Variants in LRP1B observed in about 807,000 individuals in gnomAD.
The protein encoded by LRP1B is LDL receptor related protein 1B.
In LRP1B, 217 loss-of-function variants were observed where a neutral mutation model predicts 556.6. That is an observed-to-expected ratio of 0.39 (90% CI 0.35 to 0.44). The LOEUF is 0.44. LRP1B is among the 20% of genes least tolerant of loss of function. LRP1B has a pLI of 1.00. For missense variants in LRP1B, 5,053 were observed against 5,620.8 expected, an observed-to-expected ratio of 0.90 and a Z score of 3.23; for synonymous variants, 2,047 against 1,865.8, an observed-to-expected ratio of 1.10 and a Z score of -2.50.
intron 3 of LRP1B, among the ~76,000 whole-genome samples, chr2:141,344,634 T>G (rs1215455284): frequency 6.6e-6 from 1 of 152,238 alleles, no homozygotes; most frequent in Non-Finnish European, 1.5e-5. Context: ...GTTATGTATT[T>G]AACTTTTTAT....
chr2:141,992,276 T>C (rs996895000), intron 1 of LRP1B, among the ~76,000 whole-genome samples: 1 of 152,096 alleles, frequency 6.6e-6, no homozygotes, highest in African/African-American at 2.4e-5. Flanking sequence ...CCTCTCATAA[T>C]GGATGATTTT....
intron 31 of LRP1B, among the ~76,000 whole-genome samples, chr2:140,825,403 G>C (rs982414469): frequency 6.6e-6 from 1 of 151,972 alleles, no homozygotes; most frequent in Non-Finnish European, 1.5e-5. Flanking sequence ...TTGTCTCCCA[G>C]TAACTGGCAC....
intron 1 of LRP1B, among the ~76,000 whole-genome samples, chr2:141,984,283 G>A (rs1702123851): frequency 6.6e-6 from 1 of 151,744 alleles, no homozygotes. Context: ...AGCATTACTA[G>A]GAGTTATACA....
At chr2:141,696,658 T>C (rs1437252836) in intron 2 of LRP1B, among the ~76,000 whole-genome samples, 6 of 151,964 alleles carry the variant, frequency 3.9e-5, no homozygotes, top group Non-Finnish European at 8.8e-5. Flanking sequence ...AATTAAGATA[T>C]AATACATCAA....
intron 66 of LRP1B, among the ~76,000 whole-genome samples, chr2:140,409,505 T>G (rs878878981): frequency 6.6e-6 from 1 of 152,074 alleles, no homozygotes; most frequent in Admixed American, 6.6e-5. Flanking sequence ...TTCATTGTAG[T>G]TGATACAGAG....
chr2:141,798,666 C>G (rs932384448), intron 2 of LRP1B, among the ~76,000 whole-genome samples: 8 of 132,404 alleles, frequency 6.0e-5, no homozygotes, highest in African/African-American at 2.3e-4. Context: ...GAGATGGTGC[C>G]ACTGCACTCC....
chr2:141,867,495 CTT>C (rs1472603517), intron 1 of LRP1B, among the ~76,000 whole-genome samples: 7 of 152,026 alleles, frequency 4.6e-5, no homozygotes, highest in African/African-American at 1.7e-4. Flanking sequence ...CAGAAGCACT[CTT>C]TGAGATCTTA....
chr2:141,936,446 A>T (rs1181340598), intron 1 of LRP1B, among the ~76,000 whole-genome samples: 1 of 152,236 alleles, frequency 6.6e-6, no homozygotes, highest in Non-Finnish European at 1.5e-5. Flanking sequence ...TATAAACTAT[A>T]ATAATGCTAA....
intron 40 of LRP1B, 128 bp downstream of exon 40, chr2:140,701,593 T>C: frequency 1.1e-6 from 1 of 872,930 alleles, no homozygotes; most frequent in East Asian, 2.7e-5. Flanking sequence ...TTGCAGGAAA[T>C]TAGATGTAAA....
At chr2:141,186,072 C>CT (rs1220690290) in intron 7 of LRP1B, among the ~76,000 whole-genome samples, 1 of 65,570 alleles carries the variant, frequency 1.5e-5, no homozygotes, top group Admixed American at 2.9e-4. Flanking sequence ...GAACGAGACT[C>CT]TGTCTCAAAA....
intron 2 of LRP1B, among the ~76,000 whole-genome samples, chr2:141,583,502 A>C (rs1687023443): frequency 6.6e-6 from 1 of 152,132 alleles, no homozygotes; most frequent in Admixed American, 6.5e-5. Context: ...AACCCTCCAA[A>C]AATCAGTTGA....
At chr2:141,908,139 T>C (rs1349202535) in intron 1 of LRP1B, among the ~76,000 whole-genome samples, 1 of 152,104 alleles carries the variant, frequency 6.6e-6, no homozygotes, top group Admixed American at 6.6e-5. Flanking sequence ...ACTATTGCTA[T>C]CATTTATGGA....
rs953164817 is a variant in LRP1B at position 140,868,084 on chromosome 2, G to C, written c.4334+15C>G. 4 of 1,572,074 alleles carry C rather than the reference G, an allele frequency of 2.5e-6. No homozygotes were observed. The highest frequency in any genetic ancestry group is 2.8e-5 in the African/African-American group (2 of 71,910). The stretch of plus-strand genomic sequence containing the variant: ...AGTAAAAAAAAAAATACAGAAAAGA[G>C]ATGATTTTTTAAACCTGGCGTCTGT... On this transcript the variant is annotated intron_variant, in intron 26 of 90. Transcript: ENST00000389484.
intron 1 of LRP1B, among the ~76,000 whole-genome samples, chr2:142,004,676 T>C (rs1702749949): frequency 6.6e-6 from 1 of 151,882 alleles, no homozygotes; most frequent in East Asian, 1.9e-4. Context: ...CAAAACCCCG[T>C]CTTTACTAAA....
chr2:141,183,264 T>C (rs533104198), intron 7 of LRP1B, among the ~76,000 whole-genome samples: 1 of 152,152 alleles, frequency 6.6e-6, no homozygotes, highest in East Asian at 1.9e-4. Context: ...ACCTGCTAAC[T>C]ACTCCAAAGA....
chr2:140,563,678 T>C (rs1307421986), intron 43 of LRP1B, among the ~76,000 whole-genome samples: 1 of 152,188 alleles, frequency 6.6e-6, no homozygotes, highest in Non-Finnish European at 1.5e-5. Context: ...GGACATTCAA[T>C]CATGTTTTAA....
chr2:140,638,510 G>A (rs1390245920), intron 41 of LRP1B, among the ~76,000 whole-genome samples: 2 of 152,138 alleles, frequency 1.3e-5, no homozygotes, highest in East Asian at 3.9e-4. Flanking sequence ...CTCTGAGGAT[G>A]GAAAATATGA....
intron 18 of LRP1B, among the ~76,000 whole-genome samples, chr2:140,954,891 G>C (rs1695827662): frequency 6.6e-6 from 1 of 151,868 alleles, no homozygotes; most frequent in Admixed American, 6.6e-5. Flanking sequence ...GAAAAACATT[G>C]GGAACTAGAA....
intron 1 of LRP1B, among the ~76,000 whole-genome samples, chr2:141,964,997 GCTC>G (rs1229459532): frequency 1.4e-5 from 2 of 145,956 alleles, no homozygotes; most frequent in Non-Finnish European, 3.0e-5. Flanking sequence ...ATGAAAAAAT[GCTC>G]ATCATCACTG....
Sources: allele counts gnomAD v4.1 joint callset (sites outside exome capture counted in the v4.1 genomes callset), GRCh38; gene constraint gnomAD v4.1.1; transcripts MANE v1.5; gene names NCBI Gene and HGNC (gene_info 2026-07-23, HGNC 2026-07-21).